The following COBL variants were observed in gnomAD, a reference collection of about 807,000 sequenced individuals.
COBL encodes cordon-bleu WH2 repeat protein.
A neutral mutation model predicts 98.8 loss-of-function variants in COBL; 51 were observed. The observed-to-expected ratio is 0.52, with a 90% confidence interval of 0.41 to 0.65. The LOEUF is 0.65. Among genes scored for constraint, COBL ranks in the 30% least tolerant of loss-of-function variants. The probability of loss-of-function intolerance (pLI) is 0.00; values close to 1 mark genes in which losing one functional copy is unlikely to be tolerated. For missense variants in COBL, 1,617 were observed against 1,617.5 expected, an observed-to-expected ratio of 1.00 and a Z score of 0.01; for synonymous variants, 634 against 651.7, an observed-to-expected ratio of 0.97 and a Z score of 0.41.
chr7:51,230,699 G>A (rs543603965), intron 1 of COBL, among the ~76,000 whole-genome samples: 81 of 152,314 alleles, frequency 5.3e-4, no homozygotes, highest in South Asian at 6.2e-4. Context: ...ATGCAAACAC[G>A]TTAGTGGTCC....
intron 5 of COBL, among the ~76,000 whole-genome samples, chr7:51,136,590 A>T (rs1419960301): frequency 6.6e-6 from 1 of 152,234 alleles, no homozygotes; most frequent in Non-Finnish European, 1.5e-5. Flanking sequence ...TAAGCCATTA[A>T]GAGAACACTT....
At chr7:51,090,149 T>A (rs191654380) in intron 6 of COBL, among the ~76,000 whole-genome samples, 54 of 152,206 alleles carry the variant, frequency 3.5e-4, no homozygotes, top group Non-Finnish European at 7.2e-4. Flanking sequence ...ATCCTAAAAT[T>A]GCTATCTCAA....
intron 2 of COBL, among the ~76,000 whole-genome samples, chr7:51,208,601 C>A (rs998163646): frequency 1.3e-5 from 2 of 152,196 alleles, no homozygotes; most frequent in Non-Finnish European, 2.9e-5. Context: ...ATGACAGTGG[C>A]GGTTTTGTGC....
intron 1 of COBL, among the ~76,000 whole-genome samples, chr7:51,279,277 G>C (rs1799593572): frequency 6.6e-6 from 1 of 152,212 alleles, no homozygotes. Context: ...AATTAAGAGA[G>C]CCATGACTAA....
chr7:51,287,042 A>G (rs1800429373), intron 1 of COBL, among the ~76,000 whole-genome samples: 1 of 152,204 alleles, frequency 6.6e-6, no homozygotes, highest in South Asian at 2.1e-4. Context: ...GTTACTTACA[A>G]GCGGGAGCTA....
intron 6 of COBL, 41 bp downstream of exon 6, chr7:51,136,117 T>C (rs983533277): frequency 1.9e-6 from 3 of 1,581,354 alleles, no homozygotes; most frequent in Middle Eastern, 2.4e-4. Flanking sequence ...ACTGTGTCAC[T>C]GAAAAGATGC....
chr7:51,226,554 GTGAC>G (rs2129098008), intron 1 of COBL, among the ~76,000 whole-genome samples: 2 of 148,066 alleles, frequency 1.4e-5, no homozygotes, highest in South Asian at 2.8e-4. Context: ...GAGTAAGTGA[GTGAC>G]TAAGTGAGTG....
chr7:51,018,905 AATATATAT>A lies in COBL; in HGVS notation c.3769-1345_3769-1338del, dbSNP rs71018490. Among the ~76,000 whole-genome samples, 19 of 34,432 alleles carry A rather than the reference AATATATAT, an allele frequency of 5.5e-4. 3 individuals carry two copies. The highest frequency in any genetic ancestry group is 1.4e-3 in the South Asian group (1 of 732). The allele number at this position is 34,432 out of a possible 152,430, so 22.6% of individuals were successfully genotyped here. On this transcript the variant is annotated intron_variant, in intron 12 of 12. Coordinates refer to ENST00000265136, the MANE Select transcript of COBL (RefSeq NM_015198.5). ...AAACTCCATCTCAAAAAAAAAAAAA[AATATATAT>A]ATATATATATATATATATATATATA...
chr7:51,306,994 T>C (rs1802536498), intron 1 of COBL, among the ~76,000 whole-genome samples: 1 of 152,140 alleles, frequency 6.6e-6, no homozygotes, highest in South Asian at 2.1e-4. Context: ...TGGCCAACGA[T>C]GAGGACGTGG....
At chr7:51,147,338 C>A (rs1315737000) in intron 5 of COBL, among the ~76,000 whole-genome samples, 1 of 152,198 alleles carries the variant, frequency 6.6e-6, no homozygotes, top group African/African-American at 2.4e-5. Context: ...AGAAATAGCA[C>A]TTGAACATAA....
chr7:51,169,399 T>A (rs1378774109), intron 5 of COBL, among the ~76,000 whole-genome samples: 1 of 152,190 alleles, frequency 6.6e-6, no homozygotes, highest in Non-Finnish European at 1.5e-5. Flanking sequence ...CGTCAGGACC[T>A]CCTGAGGCTG....
intron 7 of COBL, among the ~76,000 whole-genome samples, chr7:51,074,191 A>ATTT (rs369421469): frequency 0.053 from 5,327 of 100,464 alleles, 394 homozygotes; most frequent in African/African-American, 0.079. Context: ...CAAGGTAATG[A>ATTT]TTTTTTTTTT....
At chr7:51,244,465 A>G (rs984518382) in intron 1 of COBL, among the ~76,000 whole-genome samples, 2 of 150,700 alleles carry the variant, frequency 1.3e-5, no homozygotes, top group African/African-American at 2.4e-5. Flanking sequence ...AAAACCTTCA[A>G]TTAGGGAACT....
Position 51,028,489 on chromosome 7 carries a change from G to T in COBL, c.2607C>A (p.Ala869=), listed in dbSNP as rs751828135. 4.3e-6 allele frequency: 7 copies of T among 1,614,260 alleles called. No individual in the cohort carries two copies. The South Asian group carries it at 7.7e-5, about 18-fold the overall frequency. Residue 869 remains alanine (A), a synonymous_variant, in exon 10 of 13, where the codon GCC becomes GCA. Transcript: ENST00000265136. ...CTCCTATGCGCTTGGCAATGGCAGA[G>T]GCCACATACTGGCTGGACGTTCTTC... ...PQRRTSSQYV[A]SAIAKRIGAP...
At chr7:51,159,349 G>C (rs1786546991) in intron 5 of COBL, among the ~76,000 whole-genome samples, 1 of 152,200 alleles carries the variant, frequency 6.6e-6, no homozygotes, top group African/African-American at 2.4e-5. Context: ...TGCAGGTGGA[G>C]TGGGAGAGCA....
At chr7:51,245,716 G>A (rs568475344) in intron 1 of COBL, among the ~76,000 whole-genome samples, 6 of 152,312 alleles carry the variant, frequency 3.9e-5, no homozygotes, top group Admixed American at 2.6e-4. Flanking sequence ...TCTCAGAAAG[G>A]TTCTAGAGGG....
At chr7:51,209,063 A>C (rs866696985) in intron 2 of COBL, among the ~76,000 whole-genome samples, 96 of 138,310 alleles carry the variant, frequency 6.9e-4, no homozygotes, top group African/African-American at 2.4e-3. Context: ...AAAAAAAAAA[A>C]AAAAAAAAAC....
At chr7:51,209,958 G>GCC (rs1792251909) in intron 2 of COBL, among the ~76,000 whole-genome samples, 1 of 152,222 alleles carries the variant, frequency 6.6e-6, no homozygotes, top group Non-Finnish European at 1.5e-5. Context: ...GGAGTGGACA[G>GCC]CCCGGGGCTC....
In COBL at chr7:51,029,596, A is replaced by T. The variant is rs560953709; in HGVS notation, c.1505-5T>A. ...TTTCATAGCTGTCTTCCATTTCTGCAAAGAGGGACAAACACAAATCACAGA... is the reference window on the plus strand; with the variant it reads ...TTTCATAGCTGTCTTCCATTTCTGCTAAGAGGGACAAACACAAATCACAGA... On this transcript the variant is annotated splice_polypyrimidine_tract_variant and splice_region_variant and intron_variant, in intron 9 of 12. Transcript: ENST00000265136. 1 of 1,579,174 alleles carries T rather than the reference A, an allele frequency of 6.3e-7. No individual in the cohort carries two copies. The highest frequency in any genetic ancestry group is 2.3e-5 in the East Asian group (1 of 44,210).
Sources: allele counts gnomAD v4.1 joint callset (sites outside exome capture counted in the v4.1 genomes callset), GRCh38; gene constraint gnomAD v4.1.1; transcripts MANE v1.5; gene names NCBI Gene and HGNC (gene_info 2026-07-23, HGNC 2026-07-21).